Variants in ADAM28 observed in about 807,000 individuals in gnomAD.
ADAM28 encodes ADAM metallopeptidase domain 28.
Under a neutral mutation model 101.2 loss-of-function variants are expected in ADAM28, and 105 were observed. That is an observed-to-expected ratio of 1.04 (90% CI 0.89 to 1.22). The LOEUF (loss-of-function observed/expected upper bound fraction) is 1.22. Among genes scored for constraint, ADAM28 ranks in the 50% most tolerant of loss-of-function variants. The probability of loss-of-function intolerance (pLI) is 0.00; values close to 1 mark genes in which losing one functional copy is unlikely to be tolerated. For synonymous variants in ADAM28, 322 were observed against 310.6 expected, an observed-to-expected ratio of 1.04 and a Z score of -0.39; for missense variants, 1,028 against 945.4, an observed-to-expected ratio of 1.09 and a Z score of -1.15.
At chr8:24,317,747 A>T (rs1811352301) in intron 6 of ADAM28, among the ~76,000 whole-genome samples, 1 of 151,986 alleles carries the variant, frequency 6.6e-6, no homozygotes, top group Non-Finnish European at 1.5e-5. Flanking sequence ...GGAATCTAAA[A>T]AAGGGGGTGA....
chr8:24,347,420 T>C (rs2129335584), intron 18 of ADAM28, among the ~76,000 whole-genome samples: 1 of 152,182 alleles, frequency 6.6e-6, no homozygotes, highest in South Asian at 2.1e-4. Context: ...TTGGAGAGTA[T>C]TCATTTATAT....
chr8:24,322,836 G>A (rs1812060832), intron 8 of ADAM28, among the ~76,000 whole-genome samples: 1 of 151,892 alleles, frequency 6.6e-6, no homozygotes, highest in East Asian at 1.9e-4. Context: ...GCAGAAAGTT[G>A]CTGGTGAGAA....
intron 14 of ADAM28, among the ~76,000 whole-genome samples, chr8:24,338,786 GGTCTTTCTCTGT>G (rs1340352413): frequency 6.6e-6 from 1 of 152,068 alleles, no homozygotes; most frequent in Non-Finnish European, 1.5e-5. Context: ...AAGGAACATA[GGTCTTTCTCTGT>G]GACTTGATAG....
chr8:24,315,935 G>A (rs1249874547), intron 6 of ADAM28, among the ~76,000 whole-genome samples: 1 of 151,770 alleles, frequency 6.6e-6, no homozygotes, highest in Non-Finnish European at 1.5e-5. Flanking sequence ...TGGTGAAAAG[G>A]CATTAAACAA....
At position 24,354,414 on chromosome 8, in the gene ADAM28, TAAGC is replaced by T; in HGVS notation, c.*14_*17del. ...AAATCCAAAAGCATGAAGCAACAGC[TAAGC>T]AAGAACTAATGGCTAAATTATCAAC... On this transcript the variant is annotated 3_prime_UTR_variant, in exon 23 of 23. Transcript: ENST00000265769. 1.2e-6 allele frequency: 2 copies of T among 1,603,570 alleles called. No homozygotes were observed. The highest frequency in any genetic ancestry group is 1.7e-6 in the Non-Finnish European group (2 of 1,174,394).
rs200511993 is a variant in ADAM28, at chr8:24,341,659, C to T, written c.1732C>T (p.Arg578Trp). The T allele has an allele frequency of 8.7e-5, 141 of 1,613,602 alleles. 2 individuals are homozygous for T. Among genetic ancestry groups the T allele is most frequent in the East Asian group, 3.6e-4 (16 of 44,866 alleles). ...GTCGGATAATTTGCCCTGGAAAGGA[C>T]GGATAGTGACTTTCCTGACATGTAA... ...GGSDNLPWKG[R>W]IVTFLTCKTF... The change falls in exon 16 of 23, where the codon CGG (arginine) becomes TGG (tryptophan). Residue 578 changes from arginine (R) to tryptophan (W), a missense_variant. Arg to Trp is a moderately radical substitution (Grantham distance 101, BLOSUM62 -3). Coordinates refer to ENST00000265769, the MANE Select transcript of ADAM28 (RefSeq NM_014265.6).
chr8:24,301,640 G>A (rs1234383224), intron 2 of ADAM28, among the ~76,000 whole-genome samples: 1 of 152,158 alleles, frequency 6.6e-6, no homozygotes, highest in African/African-American at 2.4e-5. Context: ...ACGTTTTCTA[G>A]CTAGGATTCA....
Position 24,356,678 on chromosome 8 carries a change from G to A in ADAM28, c.*2274G>A, listed in dbSNP as rs1173882597. On this transcript the variant is annotated 3_prime_UTR_variant, in exon 23 of 23. Coordinates refer to ENST00000265769, the MANE Select transcript of ADAM28 (RefSeq NM_014265.6). ...ATATCCGTAACTTTCTAACTTTAAG[G>A]GAATTCCGCTTATTTGACATTTAAC... 1.3e-5 allele frequency: 2 copies of A among 152,080 alleles called. No homozygotes were observed. Among genetic ancestry groups the A allele is most frequent in the Non-Finnish European group, 2.9e-5 (2 of 68,018 alleles). 9.4% of individuals were successfully genotyped at this position (152,080 alleles called of 1,614,324 possible).
At chr8:24,336,666 C>T (rs1585688082) in intron 14 of ADAM28, among the ~76,000 whole-genome samples, 1 of 149,378 alleles carries the variant, frequency 6.7e-6, no homozygotes, top group African/African-American at 2.5e-5. Context: ...AGCTTATATA[C>T]CTAAAATCTA....
Position 24,313,409 on chromosome 8 carries a change from T to C in ADAM28, c.405T>C (p.Asp135=), listed in dbSNP as rs780810182. ...RGLRGYFSQG[D]QRYFIEPLSP... ...TCAGGGGCTACTTCAGTCAGGGGGA[T>C]CAAAGATACTTTATTGAACCTTTAA... The change falls in exon 6 of 23, where the codon GAT becomes GAC. Residue 135 remains aspartate (D), a synonymous_variant. Transcript: ENST00000265769. 4.7e-5 allele frequency: 76 copies of C among 1,612,016 alleles called. 3 individuals carry two copies. In the South Asian group the frequency reaches 8.2e-4, roughly 17 times the overall value.
At chr8:24,303,093 G>A (rs1585511352) in intron 2 of ADAM28, among the ~76,000 whole-genome samples, 1 of 152,008 alleles carries the variant, frequency 6.6e-6, no homozygotes, top group South Asian at 2.1e-4. Flanking sequence ...TCTGTAGGTT[G>A]TCTGTTCACT....
chr8:24,343,898 T>C (rs1373735836), intron 18 of ADAM28, among the ~76,000 whole-genome samples: 1 of 152,040 alleles, frequency 6.6e-6, no homozygotes, highest in Non-Finnish European at 1.5e-5. Context: ...AAAAATGTAA[T>C]ATCCTCAAAA....
At chr8:24,319,169 A>AT (rs774270534) in intron 6 of ADAM28, among the ~76,000 whole-genome samples, 4 of 151,394 alleles carry the variant, frequency 2.6e-5, no homozygotes, top group South Asian at 2.1e-4. Flanking sequence ...CTATTTACTC[A>AT]TTTTTTTTCC....
chr8:24,354,438 A>C lies in ADAM28; in HGVS notation c.*34A>C. 1 of 1,597,646 alleles carries C rather than the reference A, an allele frequency of 6.3e-7. No individual in the cohort carries two copies. ...CTAAGCAAGAACTAATGGCTAAATTATCAACTTGGAAAACTGGAAAATCTG... is the reference window on the plus strand; with the variant it reads ...CTAAGCAAGAACTAATGGCTAAATTCTCAACTTGGAAAACTGGAAAATCTG... On this transcript the variant is annotated 3_prime_UTR_variant, in exon 23 of 23. Transcript: ENST00000265769.
chr8:24,312,067 T>C (rs931036281), intron 5 of ADAM28, among the ~76,000 whole-genome samples: 2 of 152,108 alleles, frequency 1.3e-5, no homozygotes, highest in African/African-American at 4.8e-5. Context: ...TCTCACTCGC[T>C]CTCTCTCTAG....
Position 24,353,778 on chromosome 8 carries a change from C to A in ADAM28, c.2253C>A (p.Asp751Glu). ...TTTTATAATTAACGTAGCATAAAGA[C>A]ACAAACGCACTTCCCCCTACTGTTT... Reference protein sequence around the residue: ...GNEPPASFHKDTNALPPTVFK... With the variant: ...GNEPPASFHKETNALPPTVFK... The change falls in exon 22 of 23, where the codon GAC (aspartate) becomes GAA (glutamate). Residue 751 changes from aspartate to glutamate, a missense_variant. Asp to Glu is a conservative substitution (Grantham distance 45). Coordinates refer to ENST00000265769, the MANE Select transcript of ADAM28 (RefSeq NM_014265.6). 1 of 1,513,066 alleles carries A rather than the reference C, an allele frequency of 6.6e-7. No individual in the cohort carries two copies. 93.7% of individuals were successfully genotyped at this position (1,513,066 alleles called of 1,614,324 possible).
chr8:24,311,325 C>T (rs1298820972), intron 4 of ADAM28, 36 bp from the exon 5 acceptor site: 2 of 1,557,336 alleles, frequency 1.3e-6, no homozygotes, highest in Non-Finnish European at 1.8e-6. Context: ...CTAAAATTCA[C>T]ATGTACTTCT....
intron 2 of ADAM28, among the ~76,000 whole-genome samples, chr8:24,307,287 G>T (rs1480337138): frequency 2.6e-5 from 4 of 152,150 alleles, no homozygotes; most frequent in Non-Finnish European, 4.4e-5. Flanking sequence ...TGAACAGATG[G>T]AAGACTTTTG....
intron 2 of ADAM28, among the ~76,000 whole-genome samples, chr8:24,305,595 A>G (rs2129249153): frequency 6.6e-6 from 1 of 151,970 alleles, no homozygotes; most frequent in African/African-American, 2.4e-5. Flanking sequence ...CTTGCAAAGC[A>G]CATTAATTTT....
Sources: allele counts gnomAD v4.1 joint callset (sites outside exome capture counted in the v4.1 genomes callset), GRCh38; gene constraint gnomAD v4.1.1; transcripts MANE v1.5; gene names NCBI Gene and HGNC (gene_info 2026-07-23, HGNC 2026-07-21).